Variants in UNC13C observed in about 807,000 individuals in gnomAD.
UNC13C encodes the protein protein unc-13 homolog C.
Under a neutral mutation model 245.4 loss-of-function variants are expected in UNC13C, and 174 were observed. The ratio of observed to expected loss-of-function variants is 0.71; its 90% CI spans 0.63 to 0.80. UNC13C has a LOEUF of 0.80. Ranked by LOEUF, UNC13C falls within the 30% of genes least tolerant of loss-of-function variation. UNC13C has a pLI of 0.00. For missense variants in UNC13C, 2,829 were observed against 2,602.9 expected (o/e 1.09, Z -1.89); for synonymous variants, 992 against 895.1 (o/e 1.11, Z -1.93).
chr15:54,129,936 G>C (rs1392160342), intron 2 of UNC13C, among the ~76,000 whole-genome samples: 2 of 138,600 alleles, frequency 1.4e-5, no homozygotes, highest in Non-Finnish European at 3.2e-5. Context: ...TTATCTTCTT[G>C]AGTTGCACTT....
At chr15:54,424,569 A>G (rs2040719264) in intron 19 of UNC13C, among the ~76,000 whole-genome samples, 1 of 151,910 alleles carries the variant, frequency 6.6e-6, no homozygotes, top group African/African-American at 2.4e-5. Context: ...TATGCTTTAG[A>G]TCAAACCTTT....
At chr15:53,881,009 C>G in the UNC13C span, among the ~76,000 whole-genome samples, 2 of 152,040 alleles carry the variant, frequency 1.3e-5, no homozygotes, top group Non-Finnish European at 2.9e-5. Flanking sequence ...CTGTATTGCC[C>G]CAAGTGATGC....
At chr15:54,065,082 G>A (rs1362492716) in intron 2 of UNC13C, among the ~76,000 whole-genome samples, 2 of 152,186 alleles carry the variant, frequency 1.3e-5, no homozygotes, top group Non-Finnish European at 2.9e-5. Context: ...ATGCAAACCA[G>A]ACTGTCTTTC....
chr15:54,547,397 G>A (rs957526540), intron 27 of UNC13C, among the ~76,000 whole-genome samples: 8 of 152,104 alleles, frequency 5.3e-5, no homozygotes, highest in Admixed American at 4.6e-4. Flanking sequence ...TTAGACACTG[G>A]TCAAGTGGAT....
intron 2 of UNC13C, among the ~76,000 whole-genome samples, chr15:54,031,112 G>A (rs12591924): frequency 0.039 from 6,002 of 152,158 alleles, 255 homozygotes; most frequent in East Asian, 0.17. Context: ...TTTGTAGAAT[G>A]AGTGATATTT....
At chr15:54,337,298 C>T (rs2038607961) in intron 16 of UNC13C, among the ~76,000 whole-genome samples, 1 of 152,148 alleles carries the variant, frequency 6.6e-6, no homozygotes, top group Non-Finnish European at 1.5e-5. Flanking sequence ...TCTTTATATT[C>T]TTCTGTAAGC....
the UNC13C span, among the ~76,000 whole-genome samples, chr15:53,957,952 A>G: frequency 6.6e-6 from 1 of 151,576 alleles, no homozygotes; most frequent in African/African-American, 2.4e-5. Context: ...ACATGGGCTC[A>G]GATTTTTTTG....
intron 17 of UNC13C, among the ~76,000 whole-genome samples, chr15:54,372,221 TTTAC>T (rs1294780816): frequency 1.3e-5 from 2 of 152,124 alleles, no homozygotes; most frequent in African/African-American, 2.4e-5. Context: ...GCATACAATT[TTTAC>T]TTGTCAATTA....
the UNC13C span, among the ~76,000 whole-genome samples, chr15:53,887,827 G>C: frequency 5.6e-4 from 85 of 152,128 alleles, no homozygotes; most frequent in Non-Finnish European, 7.6e-4. Flanking sequence ...TCTTGTGATA[G>C]TTTGCTGAGA....
chr15:54,041,087 G>C (rs1896789448), intron 2 of UNC13C, among the ~76,000 whole-genome samples: 1 of 152,166 alleles, frequency 6.6e-6, no homozygotes, highest in Non-Finnish European at 1.5e-5. Context: ...AGCAGACTTT[G>C]TCTGTTTTGC....
chr15:54,254,135 T>C (rs2036221110), intron 8 of UNC13C, among the ~76,000 whole-genome samples: 1 of 152,224 alleles, frequency 6.6e-6, no homozygotes, highest in Non-Finnish European at 1.5e-5. Context: ...TTTAACATAC[T>C]CTTGTTTGCA....
intron 18 of UNC13C, among the ~76,000 whole-genome samples, chr15:54,403,969 C>G (rs2040241363): frequency 6.6e-6 from 1 of 152,072 alleles, no homozygotes; most frequent in South Asian, 2.1e-4. Context: ...TTGTAATTTA[C>G]TAGTAGAGTC....
At chr15:54,254,153 T>C (rs1028087770) in intron 8 of UNC13C, among the ~76,000 whole-genome samples, 3 of 152,230 alleles carry the variant, frequency 2.0e-5, no homozygotes, top group Admixed American at 2.0e-4. Flanking sequence ...GCAAATTAGA[T>C]ATTGATTCTC....
At chr15:54,100,621 A>G (rs1197873019) in intron 2 of UNC13C, among the ~76,000 whole-genome samples, 1 of 151,934 alleles carries the variant, frequency 6.6e-6, no homozygotes, top group African/African-American at 2.4e-5. Context: ...CTCCACTCTG[A>G]GCTTAGTACG....
At chr15:54,357,729 A>T (rs1455573475) in intron 17 of UNC13C, among the ~76,000 whole-genome samples, 1 of 152,114 alleles carries the variant, frequency 6.6e-6, no homozygotes, top group Admixed American at 6.6e-5. Context: ...GGAAAAATAC[A>T]AACACATTCC....
At chr15:54,177,433 T>G (rs1291456675) in intron 4 of UNC13C, among the ~76,000 whole-genome samples, 1 of 152,156 alleles carries the variant, frequency 6.6e-6, no homozygotes, top group Admixed American at 6.5e-5. Flanking sequence ...GCTCACTCTA[T>G]GAATACACAT....
chr15:53,888,302 CA>C, the UNC13C span, among the ~76,000 whole-genome samples: 7 of 152,234 alleles, frequency 4.6e-5, no homozygotes, highest in African/African-American at 1.7e-4. Flanking sequence ...CTCTAATGAC[CA>C]GTGATGATGA....
chr15:53,945,930 C>T, the UNC13C span, among the ~76,000 whole-genome samples: 8 of 151,978 alleles, frequency 5.3e-5, no homozygotes, highest in East Asian at 1.2e-3. Flanking sequence ...ATTTGAGCAG[C>T]GTTTTGTATC....
chr15:54,290,622 T>C (rs1158297487), intron 10 of UNC13C, among the ~76,000 whole-genome samples: 2 of 152,100 alleles, frequency 1.3e-5, no homozygotes, highest in African/African-American at 4.8e-5. Context: ...GAAAGACACA[T>C]GCATATGTGT....
Sources: allele counts gnomAD v4.1 joint callset (sites outside exome capture counted in the v4.1 genomes callset), GRCh38; gene constraint gnomAD v4.1.1; transcripts MANE v1.5; gene names NCBI Gene and HGNC (gene_info 2026-07-23, HGNC 2026-07-21).